Variants in DLST observed in about 807,000 individuals in gnomAD.
The protein encoded by DLST is dihydrolipoamide S-succinyltransferase, also known as dihydrolipoyllysine-residue succinyltransferase component of 2-oxoglutarate dehydrogenase complex, mitochondrial.
In DLST, 17 loss-of-function variants were observed where a neutral mutation model predicts 53.1. The ratio of observed to expected loss-of-function variants is 0.32; its 90% confidence interval spans 0.22 to 0.48. The LOEUF (loss-of-function observed/expected upper bound fraction) is 0.48, where lower values mean the gene tolerates loss of function less well. DLST is among the 20% of genes least tolerant of loss of function. DLST has a pLI of 0.99. For synonymous variants in DLST, 206 were observed against 204.8 expected (o/e 1.01, Z -0.05); for missense variants, 512 against 583.9 (o/e 0.88, Z 1.27).
intron 6 of DLST, among the ~76,000 whole-genome samples, chr14:74,890,218 C>T (rs925487897): frequency 6.7e-6 from 1 of 148,798 alleles, no homozygotes; most frequent in Non-Finnish European, 1.5e-5. Flanking sequence ...ACCTCCACCT[C>T]CTGGGTTCAA....
chr14:74,894,464 A>G, intron 10 of DLST, 55 bp downstream of exon 10: 10 of 1,565,862 alleles, frequency 6.4e-6, no homozygotes, highest in Non-Finnish European at 8.8e-6. Flanking sequence ...GAGAACACGA[A>G]CTTGCCCCAC....
rs758232615 is a variant in DLST at position 74,892,822 on chromosome 14, C to T, written c.443-12C>T. On this transcript the variant is annotated splice_polypyrimidine_tract_variant and intron_variant, in intron 7 of 14. Coordinates refer to ENST00000334220, the MANE Select transcript of DLST (RefSeq NM_001933.5). ...GACAGTGCCAGTGGCATATACTTTT[C>T]TTGTTTTTCAGCTGCTCCTGCTAAG... 20 of 1,597,394 alleles carry T rather than the reference C, an allele frequency of 1.3e-5. No homozygotes were observed. Among genetic ancestry groups the T allele is most frequent in the Admixed American group, 1.8e-5 (1 of 55,416 alleles).
Position 74,882,005 on chromosome 14 carries a change from G to C in DLST, c.52G>C (p.Ala18Pro). ...VSRAFSRSLS[A>P]FQKGNCPLGR... ...TCGGGCGTTCAGCCGCTCGCTCTCCGCCTTCCAGAAGGTACGGTCTGGCCG... is the reference window on the plus strand; with the variant it reads ...TCGGGCGTTCAGCCGCTCGCTCTCCCCCTTCCAGAAGGTACGGTCTGGCCG... The change falls in exon 1 of 15, where the codon GCC becomes CCC. Residue 18 changes from alanine (A) to proline (P), a missense_variant. Around this residue, in one of 4 missense-constraint regions of DLST, gnomAD observed 129 missense variants for 90.9 expected, o/e 1.42. Transcript: ENST00000334220. 3.2e-6 allele frequency: 5 copies of C among 1,571,742 alleles called. No homozygotes were observed. The highest frequency in any genetic ancestry group is 4.3e-6 in the Non-Finnish European group (5 of 1,167,252).
chr14:74,898,702 G>A (rs1884148951), intron 11 of DLST, among the ~76,000 whole-genome samples: 1 of 152,266 alleles, frequency 6.6e-6, no homozygotes, highest in Non-Finnish European at 1.5e-5. Context: ...GGGCAGAACA[G>A]TTTCTCTTCC....
chr14:74,891,879 A>C, intron 7 of DLST: 6 of 985,124 alleles, frequency 6.1e-6, no homozygotes, highest in Non-Finnish European at 7.2e-6. Context: ...TCAGAGTAGA[A>C]AACATGTATG....
chr14:74,886,663 C>T (rs1883715074), intron 3 of DLST, among the ~76,000 whole-genome samples: 1 of 152,030 alleles, frequency 6.6e-6, no homozygotes, highest in Non-Finnish European at 1.5e-5. Context: ...ATGTTGCACT[C>T]AGTACTAGAA....
Position 74,898,365 on chromosome 14 carries a change from A to C in DLST, c.771-4A>C. Reference sequence around the variant, plus strand: ...GGTCAGTTTGTTTTGTAATATTTTCACAGTAACATCCAGGAGATGAGGGCT... The same window carrying C: ...GGTCAGTTTGTTTTGTAATATTTTCCCAGTAACATCCAGGAGATGAGGGCT... On this transcript the variant is annotated splice_polypyrimidine_tract_variant and splice_region_variant and intron_variant, in intron 10 of 14. Transcript: ENST00000334220. 8 of 1,609,100 alleles carry C rather than the reference A, an allele frequency of 5.0e-6. No individual in the cohort carries two copies. The highest frequency in any genetic ancestry group is 5.9e-6 in the Non-Finnish European group (7 of 1,178,838).
intron 11 of DLST, among the ~76,000 whole-genome samples, 177 bp from the exon 12 acceptor site, chr14:74,899,746 T>G (rs943476569): frequency 2.6e-5 from 4 of 152,098 alleles, no homozygotes; most frequent in Admixed American, 1.3e-4. Flanking sequence ...ATACTATACT[T>G]GGGATGGGAG....
intron 7 of DLST, among the ~76,000 whole-genome samples, chr14:74,892,575 C>G (rs569396282): frequency 2.0e-5 from 3 of 150,856 alleles, no homozygotes; most frequent in Non-Finnish European, 4.4e-5. Flanking sequence ...AAAGTACTTG[C>G]TGAATTTATT....
At position 74,902,225 on chromosome 14, in the gene DLST, A is replaced by G. The variant is rs759007779; in HGVS notation, c.1257A>G (p.Ala419=). The G allele has an allele frequency of 6.2e-7, 1 of 1,610,948 alleles. No homozygotes were observed. The highest frequency in any genetic ancestry group is 8.5e-7 in the Non-Finnish European group (1 of 1,178,276). ...AGGTGCGGCCCATGATGTACGTGGC[A>G]CTGACCTATGATCACCGGCTGATTG... ...KVEVRPMMYV[A]LTYDHRLIDG... The change falls in exon 15 of 15, where the codon GCA becomes GCG. Residue 419 remains alanine, a synonymous_variant. Transcript: ENST00000334220.
chr14:74,902,520 T>C lies in DLST; in HGVS notation c.*190T>C. The C allele has an allele frequency of 1.9e-6, 1 of 533,938 alleles. No individual in the cohort carries two copies. Among genetic ancestry groups the C allele is most frequent in the Non-Finnish European group, 3.1e-6 (1 of 317,690 alleles). The allele number at this position is 533,938 out of a possible 1,614,324, so 33.1% of individuals were successfully genotyped here. A position where few individuals can be genotyped will look rare whatever the true frequency, so the allele number is the denominator to read the frequency against. On this transcript the variant is annotated 3_prime_UTR_variant, in exon 15 of 15. Coordinates refer to ENST00000334220, the MANE Select transcript of DLST (RefSeq NM_001933.5). ...TGGCGTTCCTGCCAGGCTCTCCCTCTCTGCACCTGTCTCATAGCCTCGAAT... is the reference window on the plus strand; with the variant it reads ...TGGCGTTCCTGCCAGGCTCTCCCTCCCTGCACCTGTCTCATAGCCTCGAAT...
chr14:74,885,254 C>T (rs771852296), intron 2 of DLST, among the ~76,000 whole-genome samples: 8 of 152,192 alleles, frequency 5.3e-5, no homozygotes, highest in Non-Finnish European at 1.2e-4. Flanking sequence ...CGAGTAGAGA[C>T]ATTTTATTAT....
Position 74,903,399 on chromosome 14 carries a change from T to C in DLST, c.*1069T>C, listed in dbSNP as rs1884340460. The stretch of plus-strand genomic sequence containing the variant: ...CTGGGGTAGGAAACCACCCTGAGGG[T>C]GTTAGTACCTAGTGGTGAAACGGAT... On this transcript the variant is annotated 3_prime_UTR_variant, in exon 15 of 15. Transcript: ENST00000334220. 1 of 152,166 alleles carries C rather than the reference T, an allele frequency of 6.6e-6. No individual in the cohort carries two copies. The highest frequency in any genetic ancestry group is 1.5e-5 in the Non-Finnish European group (1 of 68,036). The allele number at this position is 152,166 out of a possible 1,614,324, so 9.4% of individuals were successfully genotyped here.
intron 2 of DLST, among the ~76,000 whole-genome samples, chr14:74,883,894 A>T (rs1441102204): frequency 2.6e-5 from 4 of 152,206 alleles, no homozygotes; most frequent in Non-Finnish European, 5.9e-5. Context: ...ACAGGGGTAT[A>T]GATAGACTCT....
At chr14:74,892,474 G>A (rs572448370) in intron 7 of DLST, among the ~76,000 whole-genome samples, 2 of 151,096 alleles carry the variant, frequency 1.3e-5, no homozygotes, top group East Asian at 1.9e-4. Flanking sequence ...TTAGAAATAT[G>A]TTTATGTATG....
At chr14:74,888,584 G>A (rs1328247384) in intron 3 of DLST, among the ~76,000 whole-genome samples, 3 of 152,166 alleles carry the variant, frequency 2.0e-5, no homozygotes, top group African/African-American at 7.2e-5. Context: ...GCATGTGCCT[G>A]TAGTCCCAGC....
At chr14:74,888,316 C>T (rs1449862066) in intron 3 of DLST, among the ~76,000 whole-genome samples, 1 of 149,000 alleles carries the variant, frequency 6.7e-6, no homozygotes, top group African/African-American at 2.5e-5. Context: ...GTTTTACTTC[C>T]GAGTTAACCT....
chr14:74,883,552 GC>G (rs1451644850), intron 2 of DLST, among the ~76,000 whole-genome samples: 2 of 151,726 alleles, frequency 1.3e-5, no homozygotes, highest in Non-Finnish European at 2.9e-5. Context: ...GTCATCCATA[GC>G]TTTTTTTCTG....
chr14:74,885,345 AT>A (rs1883665330), intron 2 of DLST, among the ~76,000 whole-genome samples: 2 of 152,020 alleles, frequency 1.3e-5, no homozygotes, highest in South Asian at 4.1e-4. Context: ...GTGCCATCAA[AT>A]TTTTTCTCTT....
Sources: gnomAD v4.1 joint callset for allele counts (sites outside exome capture counted in the v4.1 genomes callset) on GRCh38, gnomAD v4.1.1 for gene constraint, gnomAD v4.1.1 regional missense constraint, MANE v1.5 for transcripts, NCBI Gene and HGNC (gene_info 2026-07-23, HGNC 2026-07-21) for gene names.